The following RNF217 variants were observed in gnomAD, a reference collection of about 807,000 sequenced individuals.
The protein encoded by RNF217 is E3 ubiquitin-protein ligase RNF217.
RNF217 carries 31 observed loss-of-function variants against 57.8 expected under a neutral mutation model. The observed-to-expected ratio is 0.54, with a 90% CI of 0.40 to 0.72. RNF217 has a LOEUF of 0.72. Ranked by LOEUF, RNF217 falls within the 30% of genes least tolerant of loss-of-function variation. The probability of loss-of-function intolerance (pLI) is 0.00; values close to 1 mark genes in which losing one functional copy is unlikely to be tolerated. For missense variants in RNF217, 696 were observed against 708.3 expected (o/e 0.98, Z 0.20); for synonymous variants, 313 against 294.0 (o/e 1.06, Z -0.66).
chr6:125,078,539 C>T (rs1022781654), intron 4 of RNF217, among the ~76,000 whole-genome samples: 1 of 152,054 alleles, frequency 6.6e-6, no homozygotes, highest in African/African-American at 2.4e-5. Flanking sequence ...AGCAAGCCCA[C>T]GAGACACAGA....
At chr6:125,045,878 G>A (rs1301861273) in intron 2 of RNF217, among the ~76,000 whole-genome samples, 3 of 151,860 alleles carry the variant, frequency 2.0e-5, no homozygotes, top group Non-Finnish European at 4.4e-5. Flanking sequence ...AATACAGAAT[G>A]CTGTATATGC....
chr6:125,067,714 T>C (rs1402586266), intron 3 of RNF217, among the ~76,000 whole-genome samples: 3 of 152,188 alleles, frequency 2.0e-5, no homozygotes, highest in Admixed American at 6.5e-5. Context: ...TATAGGTATA[T>C]CTGACTAGCA....
chr6:125,082,774 A>G (rs1788622921), intron 5 of RNF217, 90 bp from the exon 6 acceptor site: 1 of 1,142,676 alleles, frequency 8.8e-7, no homozygotes, highest in African/African-American at 1.6e-5. Context: ...GTATGTTCGT[A>G]CACTGCAAAT....
chr6:125,021,438 TG>T (rs1244199867), intron 1 of RNF217, among the ~76,000 whole-genome samples: 3 of 151,990 alleles, frequency 2.0e-5, no homozygotes, highest in African/African-American at 7.3e-5. Flanking sequence ...ACTAATTTTT[TG>T]TATTTTTAGT....
At position 124,980,160 on chromosome 6, in the gene RNF217, A is replaced by G. The variant is rs1784109767; in HGVS notation, c.882+16734A>G. On this transcript the variant is annotated intron_variant, in intron 1 of 5. Transcript: ENST00000521654. Reference sequence around the variant, plus strand: ...TTGTTTTTAATGTTTGGTTTCAGAGACATGTAAAAAGTCACTGGCCAAAAA... The same window carrying G: ...TTGTTTTTAATGTTTGGTTTCAGAGGCATGTAAAAAGTCACTGGCCAAAAA... 2.0e-5 allele frequency among the ~76,000 whole-genome samples: 3 copies of G among 152,170 alleles called. No homozygotes were observed. The South Asian group carries it at 6.2e-4, about 32-fold the overall frequency.
intron 1 of RNF217, among the ~76,000 whole-genome samples, chr6:124,978,734 C>CA (rs1209651775): frequency 1.3e-5 from 2 of 152,170 alleles, no homozygotes; most frequent in Non-Finnish European, 2.9e-5. Flanking sequence ...GAGAGGGTTA[C>CA]AGCTCATTTG....
At chr6:125,066,745 A>G in intron 3 of RNF217, among the ~76,000 whole-genome samples, 1 of 152,124 alleles carries the variant, frequency 6.6e-6, no homozygotes, top group East Asian at 1.9e-4. Flanking sequence ...CAGAGATTTG[A>G]TCTATTTTAT....
chr6:125,075,615 A>G (rs574749594), intron 3 of RNF217, among the ~76,000 whole-genome samples: 14 of 152,280 alleles, frequency 9.2e-5, no homozygotes, highest in African/African-American at 3.1e-4. Context: ...TGCCCTTGAC[A>G]CGTGGGGATT....
At chr6:125,029,479 G>A (rs563806040) in intron 1 of RNF217, among the ~76,000 whole-genome samples, 67 of 152,260 alleles carry the variant, frequency 4.4e-4, no homozygotes, top group African/African-American at 1.5e-3. Flanking sequence ...TCCAGGTAAT[G>A]AACAGACCAT....
intron 1 of RNF217, among the ~76,000 whole-genome samples, chr6:125,003,194 T>C (rs1229825138): frequency 1.3e-5 from 2 of 152,038 alleles, no homozygotes; most frequent in Non-Finnish European, 2.9e-5. Flanking sequence ...TAGAAGAGAT[T>C]TAACATTTGA....
Position 125,089,225 on chromosome 6 carries a change from A to C in RNF217, c.*6288A>C, listed in dbSNP as rs1788863807. ...CAGTTGGATCAGAGGGCCTAATAATAGTCTAAAACCAAGCTTCAGAAATTG... is the reference window on the plus strand; with the variant it reads ...CAGTTGGATCAGAGGGCCTAATAATCGTCTAAAACCAAGCTTCAGAAATTG... On this transcript the variant is annotated 3_prime_UTR_variant, in exon 6 of 6. Transcript: ENST00000521654. 1 of 152,184 alleles carries C rather than the reference A, an allele frequency of 6.6e-6. No homozygotes were observed. The allele number at this position is 152,184 out of a possible 1,614,324, so 9.4% of individuals were successfully genotyped here. A position where few individuals can be genotyped will look rare whatever the true frequency, so the allele number is the denominator to read the frequency against.
chr6:125,032,860 G>A (rs1481949676), intron 1 of RNF217, among the ~76,000 whole-genome samples: 3 of 152,070 alleles, frequency 2.0e-5, no homozygotes, highest in Non-Finnish European at 4.4e-5. Context: ...AAGTACATTT[G>A]GACTGGTTTC....
intron 1 of RNF217, among the ~76,000 whole-genome samples, chr6:125,013,351 ATGTGTGTGTGTGTGTG>A (rs61504994): frequency 6.4e-5 from 9 of 141,296 alleles, no homozygotes; most frequent in Admixed American, 2.1e-4. Context: ...TGTTTTGTGT[ATGTGTGTGTGTGTGTG>A]TGTGTGTGTG....
At position 124,963,288 on chromosome 6, in the gene RNF217, G is replaced by A. The variant is rs1783379534; in HGVS notation, c.744G>A (p.Leu248=). The A allele has an allele frequency of 6.5e-7, 1 of 1,535,816 alleles. No individual in the cohort carries two copies. The highest frequency in any genetic ancestry group is 8.7e-7 in the Non-Finnish European group (1 of 1,146,846). Residue 248 remains leucine, a synonymous_variant, in exon 1 of 6, where the codon CTG becomes CTA. Coordinates refer to ENST00000521654, the MANE Select transcript of RNF217 (RefSeq NM_001286398.3). ...SLLGAPPYSG[L]GGVGDPYVPL... ...TGGGAGCTCCACCCTACTCTGGCCT[G>A]GGCGGTGTAGGGGATCCCTATGTGC...
intron 1 of RNF217, among the ~76,000 whole-genome samples, chr6:125,029,640 G>C (rs1332993110): frequency 6.6e-6 from 1 of 152,142 alleles, no homozygotes; most frequent in African/African-American, 2.4e-5. Flanking sequence ...CTCTGTAGGG[G>C]GGAGAAGTGT....
intron 1 of RNF217, chr6:125,006,325 G>A (rs932249040): frequency 6.6e-6 from 1 of 152,134 alleles, no homozygotes; most frequent in African/African-American, 2.4e-5. Context: ...GTTCAATGCA[G>A]GTGATTAATA....
At chr6:125,066,645 T>A (rs1787947366) in intron 3 of RNF217, among the ~76,000 whole-genome samples, 1 of 152,180 alleles carries the variant, frequency 6.6e-6, no homozygotes. Flanking sequence ...CAGTAGGTAC[T>A]ATCCCCTCCC....
At chr6:124,989,672 T>A (rs1469936523) in intron 1 of RNF217, among the ~76,000 whole-genome samples, 1 of 152,180 alleles carries the variant, frequency 6.6e-6, no homozygotes, top group Non-Finnish European at 1.5e-5. Context: ...ATTATTACTA[T>A]TCTTTTCATT....
intron 1 of RNF217, among the ~76,000 whole-genome samples, chr6:124,969,129 T>G (rs1783665115): frequency 1.3e-5 from 2 of 152,224 alleles, no homozygotes. Flanking sequence ...ACCAGCTAAC[T>G]TTTTATTAAT....
Sources: gnomAD v4.1 joint callset for allele counts (sites outside exome capture counted in the v4.1 genomes callset) on GRCh38, gnomAD v4.1.1 for gene constraint, MANE v1.5 for transcripts, NCBI Gene and HGNC (gene_info 2026-07-23, HGNC 2026-07-21) for gene names.